Variants in PDE4D observed in about 807,000 individuals in gnomAD.
PDE4D encodes phosphodiesterase 4D.
Under a neutral mutation model 87.4 loss-of-function variants are expected in PDE4D, and 24 were observed. That is an observed-to-expected ratio of 0.27 (90% CI 0.20 to 0.39). The LOEUF is 0.39. Ranked by LOEUF, PDE4D falls within the 10% of genes least tolerant of loss-of-function variation. The probability of loss-of-function intolerance (pLI) is 1.00; values close to 1 mark genes in which losing one functional copy is unlikely to be tolerated. For synonymous variants in PDE4D, 384 were observed against 383.2 expected (o/e 1.00, Z -0.02); for missense variants, 714 against 1,041.0 (o/e 0.69, Z 4.32).
chr5:59,171,927 AAAT>A (rs201227879), intron 5 of PDE4D, among the ~76,000 whole-genome samples: 7,480 of 112,444 alleles, frequency 0.067, 424 homozygotes, highest in African/African-American at 0.13. Context: ...ATTATATAAT[AAAT>A]ATTATATTTA....
chr5:59,182,314 G>A (rs150402777), intron 4 of PDE4D, among the ~76,000 whole-genome samples: 2,484 of 151,786 alleles, frequency 0.016, 33 homozygotes, highest in South Asian at 0.029. Flanking sequence ...CTGGAGTGCA[G>A]TGGTGTGATC....
chr5:59,552,558 T>TA (rs983412043), intron 1 of PDE4D, among the ~76,000 whole-genome samples: 27 of 152,214 alleles, frequency 1.8e-4, no homozygotes, highest in African/African-American at 6.0e-4. Flanking sequence ...GACTCACACT[T>TA]AAAAATTGGT....
At chr5:59,143,771 C>T (rs1778239616) in intron 5 of PDE4D, among the ~76,000 whole-genome samples, 1 of 152,182 alleles carries the variant, frequency 6.6e-6, no homozygotes, top group Non-Finnish European at 1.5e-5. Context: ...TTATAATTAT[C>T]TCATTCAAAT....
intron 2 of PDE4D, among the ~76,000 whole-genome samples, chr5:59,988,988 T>C (rs1379927305): frequency 6.6e-6 from 1 of 151,704 alleles, no homozygotes; most frequent in African/African-American, 2.4e-5. Flanking sequence ...GCTTTGTGTG[T>C]GAATTCTATA....
chr5:59,062,306 C>T (rs548537159), intron 5 of PDE4D, among the ~76,000 whole-genome samples: 1 of 152,162 alleles, frequency 6.6e-6, no homozygotes, highest in Admixed American at 6.6e-5. Flanking sequence ...AGTTATCTCC[C>T]ATACATTGGC....
intron 4 of PDE4D, 21 bp downstream of exon 4, chr5:59,185,168 G>C (rs753027230): frequency 4.4e-6 from 7 of 1,590,134 alleles, no homozygotes; most frequent in Non-Finnish European, 6.0e-6. Flanking sequence ...AAAAAAGAGG[G>C]GGGAAAAAAG....
In PDE4D at chr5:59,672,527, G is replaced by A. The variant is rs200825256; in HGVS notation, c.455+220641C>T. 1.2e-4 allele frequency among the ~76,000 whole-genome samples: 18 copies of A among 152,078 alleles called. No individual in the cohort carries two copies. In the East Asian group the frequency reaches 1.5e-3, roughly 13 times the overall value. On this transcript the variant is annotated intron_variant, in intron 1 of 14. Transcript: ENST00000340635. Reference sequence around the variant, plus strand: ...TTACATTATAATTTGCTTGATGCACGTATTCTTAAAATACCAACACTCAAT... The same window carrying A: ...TTACATTATAATTTGCTTGATGCACATATTCTTAAAATACCAACACTCAAT...
chr5:60,399,161 C>T (rs546437174), intron 1 of PDE4D, among the ~76,000 whole-genome samples: 2 of 152,306 alleles, frequency 1.3e-5, no homozygotes, highest in South Asian at 2.1e-4. Flanking sequence ...GTGTTCACTT[C>T]TCCAATCCAA....
At chr5:59,633,153 C>G (rs1007490037) in intron 1 of PDE4D, among the ~76,000 whole-genome samples, 12 of 151,720 alleles carry the variant, frequency 7.9e-5, no homozygotes, top group Middle Eastern at 3.4e-3. Context: ...TGAAGATCAA[C>G]TTAATGAAAT....
chr5:58,994,507 A>G (rs1283155171), intron 6 of PDE4D, among the ~76,000 whole-genome samples: 1 of 152,232 alleles, frequency 6.6e-6, no homozygotes, highest in Non-Finnish European at 1.5e-5. Flanking sequence ...TTGACAAAAA[A>G]AAGTCAGATG....
intron 1 of PDE4D, among the ~76,000 whole-genome samples, chr5:60,452,209 A>G (rs1278138257): frequency 6.6e-6 from 1 of 152,128 alleles, no homozygotes; most frequent in Non-Finnish European, 1.5e-5. Flanking sequence ...AAAACACTAA[A>G]AGTTTACTTA....
intron 1 of PDE4D, among the ~76,000 whole-genome samples, chr5:59,224,498 G>T (rs1753303741): frequency 6.6e-6 from 1 of 152,146 alleles, no homozygotes; most frequent in South Asian, 2.1e-4. Flanking sequence ...GACTATAAAT[G>T]AAAGAGGATA....
chr5:59,517,518 A>T (rs1811388709), intron 1 of PDE4D, among the ~76,000 whole-genome samples: 1 of 152,186 alleles, frequency 6.6e-6, no homozygotes. Context: ...ACAGAGCAGC[A>T]TTCAAAGGTA....
At chr5:59,206,140 C>G (rs903177139) in intron 2 of PDE4D, among the ~76,000 whole-genome samples, 14 of 151,700 alleles carry the variant, frequency 9.2e-5, no homozygotes, top group African/African-American at 3.4e-4. Context: ...TAGGTGGACA[C>G]AAAGCCTAGG....
intron 1 of PDE4D, among the ~76,000 whole-genome samples, chr5:60,451,077 C>T (rs140223187): frequency 0.011 from 1,645 of 152,170 alleles, 19 homozygotes; most frequent in Admixed American, 0.015. Context: ...ATTCTTGGAG[C>T]AGACTCTTGA....
chr5:60,036,451 G>T (rs950993584), intron 2 of PDE4D, among the ~76,000 whole-genome samples: 1 of 152,152 alleles, frequency 6.6e-6, no homozygotes, highest in Non-Finnish European at 1.5e-5. Flanking sequence ...ACTCAAACAG[G>T]ATGATTGATG....
chr5:59,609,689 C>T (rs1449757017), intron 1 of PDE4D, among the ~76,000 whole-genome samples: 2 of 152,090 alleles, frequency 1.3e-5, no homozygotes. Context: ...AGCAACTGAG[C>T]TTTTGGTGTT....
intron 5 of PDE4D, among the ~76,000 whole-genome samples, chr5:59,052,730 T>C (rs1761728007): frequency 1.3e-5 from 2 of 152,190 alleles, no homozygotes; most frequent in Admixed American, 1.3e-4. Flanking sequence ...TTTTGTAAAA[T>C]AGGGCTAAAA....
chr5:60,291,683 A>G (rs1752908434), intron 1 of PDE4D, among the ~76,000 whole-genome samples: 1 of 151,986 alleles, frequency 6.6e-6, no homozygotes, highest in African/African-American at 2.4e-5. Context: ...ATTTATAAAA[A>G]ACAAAATTAA....
Sources: allele counts gnomAD v4.1 joint callset (sites outside exome capture counted in the v4.1 genomes callset), GRCh38; gene constraint gnomAD v4.1.1; transcripts MANE v1.5; gene names NCBI Gene and HGNC (gene_info 2026-07-23, HGNC 2026-07-21).